The following PARP8 variants were observed in gnomAD, a reference collection of about 807,000 sequenced individuals.
PARP8 encodes protein mono-ADP-ribosyltransferase PARP8.
In PARP8, 51 loss-of-function variants were observed where a neutral mutation model predicts 124.1. That is an observed-to-expected ratio of 0.41 (90% CI 0.33 to 0.52). The LOEUF is 0.52. PARP8 is among the 20% of genes least tolerant of loss of function. The probability of loss-of-function intolerance (pLI) is 0.21; values close to 1 mark genes in which losing one functional copy is unlikely to be tolerated. For missense variants in PARP8, 860 were observed against 1,018.9 expected (o/e 0.84, Z 2.12); for synonymous variants, 391 against 361.5 (o/e 1.08, Z -0.93).
intron 21 of PARP8, among the ~76,000 whole-genome samples, chr5:50,829,573 G>T (rs1435735033): frequency 6.6e-6 from 1 of 152,062 alleles, no homozygotes; most frequent in African/African-American, 2.4e-5. Context: ...ATCAGAATGC[G>T]TTACTGTGTC....
At chr5:50,750,213 G>C (rs1355355080) in intron 3 of PARP8, 25 bp downstream of exon 3, 3 of 1,546,804 alleles carry the variant, frequency 1.9e-6, no homozygotes, top group Admixed American at 3.4e-5. Context: ...TTTTATTACA[G>C]ATATTCGTAT....
Position 50,738,853 on chromosome 5 carries a change from A to G in PARP8, c.147-11298A>G, listed in dbSNP as rs1272661637. On this transcript the variant is annotated intron_variant, in intron 2 of 25. Coordinates refer to ENST00000281631, the MANE Select transcript of PARP8 (RefSeq NM_024615.4). ...CTTGGACGAGCTTGGCTTAAACAGTAAAAAGGATAGTTATTTGTTCATGTA... is the reference window on the plus strand; with the variant it reads ...CTTGGACGAGCTTGGCTTAAACAGTGAAAAGGATAGTTATTTGTTCATGTA... 4 of 618,310 alleles carry G rather than the reference A, an allele frequency of 6.5e-6. 1 individual carries two copies. In the Admixed American group the frequency reaches 7.0e-5, roughly 11 times the overall value. The allele number at this position is 618,310 out of a possible 1,614,324, so 38.3% of individuals were successfully genotyped here. A position where few individuals can be genotyped will look rare whatever the true frequency, so the allele number is the denominator to read the frequency against.
intron 2 of PARP8, among the ~76,000 whole-genome samples, chr5:50,696,543 C>T (rs1051316022): frequency 6.6e-6 from 1 of 152,204 alleles, no homozygotes; most frequent in Non-Finnish European, 1.5e-5. Context: ...ACTTCTCTTG[C>T]TCTTTCCCTC....
At chr5:50,680,938 G>A (rs1342136706) in intron 2 of PARP8, among the ~76,000 whole-genome samples, 8 of 152,038 alleles carry the variant, frequency 5.3e-5, no homozygotes, top group African/African-American at 1.7e-4. Context: ...TACCCTACTT[G>A]ACAAGGCATC....
At chr5:50,701,645 A>G (rs1753605066) in intron 2 of PARP8, among the ~76,000 whole-genome samples, 5 of 152,128 alleles carry the variant, frequency 3.3e-5, no homozygotes, top group Admixed American at 3.3e-4. Flanking sequence ...AGGTTGTTAA[A>G]GAGATAAAGT....
At chr5:50,700,384 C>A (rs1280005284) in intron 2 of PARP8, among the ~76,000 whole-genome samples, 2 of 152,136 alleles carry the variant, frequency 1.3e-5, no homozygotes, top group African/African-American at 4.8e-5. Context: ...AGTTGGGAGA[C>A]AAGATAATAA....
intron 2 of PARP8, among the ~76,000 whole-genome samples, chr5:50,748,905 A>C (rs910295825): frequency 1.3e-5 from 2 of 152,106 alleles, no homozygotes; most frequent in African/African-American, 4.8e-5. Flanking sequence ...GCTCTTCTTG[A>C]TATTTTCTGC....
chr5:50,832,785 G>A lies in PARP8; in HGVS notation c.2238G>A (p.Met746Ile). 6.2e-7 allele frequency: 1 copy of A among 1,613,326 alleles called. No homozygotes were observed. The highest frequency in any genetic ancestry group is 8.5e-7 in the Non-Finnish European group (1 of 1,179,526). Residue 746 changes from methionine to isoleucine, a missense_variant, in exon 23 of 26, where the codon ATG becomes ATA. By Grantham distance (10) the Met-to-Ile change is conservative. Around this residue, in one of 2 missense-constraint regions of PARP8, gnomAD observed 343 missense variants for 474.7 expected, o/e 0.72. Coordinates refer to ENST00000281631, the MANE Select transcript of PARP8 (RefSeq NM_024615.4). The stretch of plus-strand genomic sequence containing the variant: ...TTATTTTGCCGATGTTTTCAGGGAT[G>A]AACAAGAAACAGAAGGTGTCAGCCA... ...MSSISFGYSG[M>I]NKKQKVSAKD...
At chr5:50,836,594 T>G (rs1747609768) in intron 25 of PARP8, among the ~76,000 whole-genome samples, 1 of 152,106 alleles carries the variant, frequency 6.6e-6, no homozygotes, top group Admixed American at 6.6e-5. Flanking sequence ...AGAAAGTCCT[T>G]ACAGGTCAGG....
At chr5:50,839,837 G>A (rs1259712830) in intron 25 of PARP8, among the ~76,000 whole-genome samples, 1 of 151,856 alleles carries the variant, frequency 6.6e-6, no homozygotes, top group African/African-American at 2.4e-5. Context: ...AAGTGTCAGG[G>A]TACATATAAT....
chr5:50,834,491 G>GTC (rs1747344740), intron 24 of PARP8, among the ~76,000 whole-genome samples: 2 of 152,090 alleles, frequency 1.3e-5, no homozygotes. Flanking sequence ...AAATTGATGG[G>GTC]TGATTTGCAA....
Position 50,795,269 on chromosome 5 carries a change from A to C in PARP8, c.1280A>C (p.Lys427Thr), listed in dbSNP as rs907350231. Reference protein sequence around the residue: ...MEELYGLKNHKLLSKSYSSAP... With the variant: ...MEELYGLKNHTLLSKSYSSAP... The stretch of plus-strand genomic sequence containing the variant: ...GAATTATATGGACTGAAAAATCACA[A>C]ATTGCTCAGCAAGTCCTACTCCAGT... Residue 427 changes from lysine (K) to threonine (T), a missense_variant, in exon 12 of 26, where the codon AAA becomes ACA. Physicochemically the swap from Lys to Thr is moderately conservative, Grantham distance 78. Transcript: ENST00000281631. 6.2e-7 allele frequency: 1 copy of C among 1,614,098 alleles called. No homozygotes were observed. Among genetic ancestry groups the C allele is most frequent in the Admixed American group, 1.7e-5 (1 of 60,002 alleles).
intron 7 of PARP8, among the ~76,000 whole-genome samples, chr5:50,777,189 A>T (rs1740128410): frequency 6.6e-6 from 1 of 152,200 alleles, no homozygotes; most frequent in African/African-American, 2.4e-5. Context: ...ATGCATCTGT[A>T]AAGCGGAGAT....
At chr5:50,705,973 C>T (rs894518344) in intron 2 of PARP8, among the ~76,000 whole-genome samples, 7 of 152,120 alleles carry the variant, frequency 4.6e-5, no homozygotes, top group Non-Finnish European at 7.4e-5. Context: ...ATCTTTGTAT[C>T]TCCTTGTGTA....
At chr5:50,708,944 G>A (rs1754440811) in intron 2 of PARP8, among the ~76,000 whole-genome samples, 1 of 144,116 alleles carries the variant, frequency 6.9e-6, no homozygotes, top group Non-Finnish European at 1.5e-5. Flanking sequence ...ACCATGCCTG[G>A]CTGATTTTTT....
Position 50,797,049 on chromosome 5 carries a change from T to G in PARP8, c.1479+17T>G. On this transcript the variant is annotated intron_variant, in intron 13 of 25. Transcript: ENST00000281631. ...CTGGTGCAGGTATGAGCCAAAACTC[T>G]ATCCATTGTACAAATATTTTAGTTC... The G allele has an allele frequency of 6.2e-7, 1 of 1,612,480 alleles. No individual in the cohort carries two copies. The highest frequency in any genetic ancestry group is 8.5e-7 in the Non-Finnish European group (1 of 1,178,868).
intron 2 of PARP8, among the ~76,000 whole-genome samples, chr5:50,696,215 G>T (rs1753007618): frequency 6.6e-6 from 1 of 152,036 alleles, no homozygotes; most frequent in Non-Finnish European, 1.5e-5. Context: ...TCACTTTTTA[G>T]ACTGTTTGGG....
intron 2 of PARP8, chr5:50,668,377 T>C: frequency 1.9e-6 from 1 of 524,846 alleles, no homozygotes; most frequent in Non-Finnish European, 3.5e-6. Flanking sequence ...ACTGTTCTGC[T>C]ACAGTACTAG....
intron 15 of PARP8, among the ~76,000 whole-genome samples, chr5:50,816,646 T>C (rs567474907): frequency 2.6e-5 from 4 of 152,292 alleles, no homozygotes; most frequent in South Asian, 2.1e-4. Flanking sequence ...GTTGGTCTTA[T>C]ATGATATGAA....
Sources: allele counts gnomAD v4.1 joint callset (sites outside exome capture counted in the v4.1 genomes callset), GRCh38; gene constraint gnomAD v4.1.1; regional missense constraint gnomAD v4.1.1; transcripts MANE v1.5; gene names NCBI Gene and HGNC (gene_info 2026-07-23, HGNC 2026-07-21).